The following SLC8A1 variants were observed in gnomAD, a reference collection of about 807,000 sequenced individuals.
The protein encoded by SLC8A1 is solute carrier family 8 member A1.
Under a neutral mutation model 68.3 loss-of-function variants are expected in SLC8A1, and 18 were observed. That is an observed-to-expected ratio of 0.26 (90% CI 0.18 to 0.39). SLC8A1 has a LOEUF of 0.39. Among genes scored for constraint, SLC8A1 ranks in the 10% least tolerant of loss-of-function variants. The pLI is 1.00. For missense variants in SLC8A1, 985 were observed against 1,156.7 expected (o/e 0.85, Z 2.15); for synonymous variants, 475 against 415.5 (o/e 1.14, Z -1.74).
chr2:40,359,321 T>A (rs1381924606), intron 2 of SLC8A1, among the ~76,000 whole-genome samples: 1 of 152,182 alleles, frequency 6.6e-6, no homozygotes, highest in Non-Finnish European at 1.5e-5. Flanking sequence ...CACCTATTTA[T>A]TTTTACTTTT....
intron 2 of SLC8A1, among the ~76,000 whole-genome samples, chr2:40,326,935 C>T (rs1008220488): frequency 1.3e-5 from 2 of 152,176 alleles, no homozygotes; most frequent in African/African-American, 4.8e-5. Context: ...GTAGAAATTG[C>T]TAATGGTCCA....
chr2:40,281,701 G>C (rs1017529074), intron 2 of SLC8A1, among the ~76,000 whole-genome samples: 1 of 152,380 alleles, frequency 6.6e-6, no homozygotes, highest in East Asian at 1.9e-4. Flanking sequence ...TGTCTGGAAA[G>C]AGTGAAGACC....
At chr2:40,222,384 A>G (rs1162579393) in intron 2 of SLC8A1, among the ~76,000 whole-genome samples, 1 of 152,216 alleles carries the variant, frequency 6.6e-6, no homozygotes. Flanking sequence ...CTCAAGATGG[A>G]TTAAAGACTT....
intron 2 of SLC8A1, among the ~76,000 whole-genome samples, chr2:40,183,643 A>T (rs13029172): frequency 0.01 from 1,539 of 152,270 alleles, 9 homozygotes; most frequent in African/African-American, 0.015. Context: ...GATGACTCTT[A>T]TGTATGCTGA....
chr2:40,415,152 C>T (rs1042839209), intron 2 of SLC8A1, among the ~76,000 whole-genome samples: 1 of 152,178 alleles, frequency 6.6e-6, no homozygotes, highest in Non-Finnish European at 1.5e-5. Flanking sequence ...TTTCTCCAGA[C>T]TTGAACAACC....
chr2:40,390,696 G>A (rs372912824), intron 2 of SLC8A1, among the ~76,000 whole-genome samples: 3 of 152,088 alleles, frequency 2.0e-5, no homozygotes, highest in East Asian at 3.9e-4. Context: ...GTCCACAGAG[G>A]CTTCTGCCAT....
intron 2 of SLC8A1, among the ~76,000 whole-genome samples, chr2:40,404,422 A>AT (rs1235895360): frequency 7.9e-5 from 12 of 152,202 alleles, no homozygotes; most frequent in African/African-American, 2.7e-4. Flanking sequence ...ATGACAATAC[A>AT]TTTTTTGCAA....
chr2:40,212,163 A>G (rs2056697458), intron 2 of SLC8A1, among the ~76,000 whole-genome samples: 1 of 151,988 alleles, frequency 6.6e-6, no homozygotes. Context: ...CCAGAGAGAG[A>G]GACAGAGAAA....
chr2:40,307,321 A>G (rs1451608157), intron 2 of SLC8A1, among the ~76,000 whole-genome samples: 1 of 152,186 alleles, frequency 6.6e-6, no homozygotes, highest in Non-Finnish European at 1.5e-5. Flanking sequence ...TGATTGCATG[A>G]TATGAAGTAT....
chr2:40,223,326 T>C (rs925082008), intron 2 of SLC8A1, among the ~76,000 whole-genome samples: 7 of 151,904 alleles, frequency 4.6e-5, no homozygotes, highest in East Asian at 1.9e-4. Context: ...TGAGAACACA[T>C]GGACACAGGG....
intron 5 of SLC8A1, among the ~76,000 whole-genome samples, chr2:40,161,224 C>T (rs1205714356): frequency 6.6e-6 from 1 of 152,196 alleles, no homozygotes; most frequent in Non-Finnish European, 1.5e-5. Flanking sequence ...AGTGAATTAA[C>T]ATATGCCCTA....
chr2:40,407,341 C>CA (rs1174274463), intron 2 of SLC8A1, among the ~76,000 whole-genome samples: 5 of 152,330 alleles, frequency 3.3e-5, no homozygotes, highest in African/African-American at 1.2e-4. Flanking sequence ...GCTGGGACTA[C>CA]AGGCATAAGC....
intron 2 of SLC8A1, among the ~76,000 whole-genome samples, chr2:40,253,344 A>G (rs1317475296): frequency 1.3e-5 from 2 of 151,650 alleles, no homozygotes; most frequent in Non-Finnish European, 2.9e-5. Context: ...ATATATATAC[A>G]CACACAATGG....
In SLC8A1 at chr2:40,323,191, T is replaced by C. The variant is rs184105542; in HGVS notation, c.1808+105282A>G. ...TCTTTATCATAGAAAAATTACAAGA[T>C]TGATAATAATTTTTCTTAAATGGCT... On this transcript the variant is annotated intron_variant, in intron 2 of 7. Coordinates refer to ENST00000406785, the Ensembl canonical transcript of SLC8A1. 2.0e-5 allele frequency among the ~76,000 whole-genome samples: 3 copies of C among 152,250 alleles called. No individual in the cohort carries two copies. In the East Asian group the frequency reaches 5.8e-4, roughly 29 times the overall value.
chr2:40,395,228 C>T (rs1436268023), intron 2 of SLC8A1, among the ~76,000 whole-genome samples: 1 of 152,276 alleles, frequency 6.6e-6, no homozygotes, highest in East Asian at 1.9e-4. Flanking sequence ...AAGAAACCAA[C>T]ATCAACAGTT....
intron 2 of SLC8A1, among the ~76,000 whole-genome samples, chr2:40,372,415 G>A (rs1405897413): frequency 6.6e-6 from 1 of 152,022 alleles, no homozygotes; most frequent in East Asian, 1.9e-4. Context: ...TCCTTTTTAA[G>A]TGGAAGCCAC....
chr2:40,303,125 A>AAAATCTGATTAATTTGGG (rs2071844837), intron 2 of SLC8A1, among the ~76,000 whole-genome samples: 1 of 152,180 alleles, frequency 6.6e-6, no homozygotes, highest in African/African-American at 2.4e-5. Context: ...TTCATTTTGG[A>AAAATCTGATTAATTTGGG]TAAGTGATGA....
intron 2 of SLC8A1, among the ~76,000 whole-genome samples, chr2:40,306,066 A>G (rs879945438): frequency 6.6e-6 from 1 of 152,166 alleles, no homozygotes; most frequent in African/African-American, 2.4e-5. Flanking sequence ...GGAACTGTCT[A>G]TTCTGGGATG....
chr2:40,392,271 A>C (rs905650180), intron 2 of SLC8A1, among the ~76,000 whole-genome samples: 7 of 151,722 alleles, frequency 4.6e-5, no homozygotes, highest in Admixed American at 4.6e-4. Flanking sequence ...CAAGCAAGCA[A>C]GCAAGAAAAC....
Sources: gnomAD v4.1 joint callset for allele counts (sites outside exome capture counted in the v4.1 genomes callset) on GRCh38, gnomAD v4.1.1 for gene constraint, MANE v1.5 for transcripts, NCBI Gene and HGNC (gene_info 2026-07-23, HGNC 2026-07-21) for gene names.